The following TULP3 variants were observed in gnomAD, a reference collection of about 807,000 sequenced individuals.
TULP3 encodes TUB like protein 3, also known as tubby-related protein 3.
TULP3 carries 38 observed loss-of-function variants against 50.7 expected under a neutral mutation model. The ratio of observed to expected loss-of-function variants is 0.75; its 90% CI spans 0.58 to 0.98. TULP3 has a LOEUF of 0.98. Among genes scored for constraint, TULP3 ranks in the 50% least tolerant of loss-of-function variants. TULP3 has a pLI of 0.00. For missense variants in TULP3, 550 were observed against 568.0 expected (o/e 0.97, Z 0.32); for synonymous variants, 183 against 196.6 (o/e 0.93, Z 0.58).
At chr12:2,911,809 A>C (rs2153948959) in intron 2 of TULP3, among the ~76,000 whole-genome samples, 1 of 150,330 alleles carries the variant, frequency 6.7e-6, no homozygotes, top group East Asian at 2.0e-4. Context: ...TTTGGATCAG[A>C]TGTATACATT....
At chr12:2,904,214 C>G (rs2098180936) in intron 1 of TULP3, among the ~76,000 whole-genome samples, 1 of 152,278 alleles carries the variant, frequency 6.6e-6, no homozygotes, top group East Asian at 1.9e-4. Flanking sequence ...CTTTCCTAGT[C>G]TAGGTTTTTT....
intron 9 of TULP3, 118 bp from the exon 10 acceptor site, chr12:2,937,996 T>C (rs911029173): frequency 1.7e-6 from 2 of 1,173,832 alleles, no homozygotes; most frequent in African/African-American, 1.5e-5. Flanking sequence ...CATTGTTGGC[T>C]TTCATTCTTC....
At chr12:2,896,988 T>C (rs2098175901) in intron 1 of TULP3, among the ~76,000 whole-genome samples, 1 of 152,202 alleles carries the variant, frequency 6.6e-6, no homozygotes, top group African/African-American at 2.4e-5. Flanking sequence ...ATTTTAACAA[T>C]GTTTCAATAA....
Position 2,930,375 on chromosome 12 carries a change from A to T in TULP3, c.492+30A>T, listed in dbSNP as rs1181068007. The T allele has an allele frequency of 7.0e-6, 10 of 1,427,298 alleles. No homozygotes were observed. In the East Asian group the frequency reaches 2.3e-4, roughly 33 times the overall value. The allele number at this position is 1,427,298 out of a possible 1,614,324, so 88.4% of individuals were successfully genotyped here. On this transcript the variant is annotated intron_variant, in intron 5 of 10. Coordinates refer to ENST00000448120, the MANE Select transcript of TULP3 (RefSeq NM_003324.5). ...GTAGTTCTGAAACTTCTTCCATTAG[A>T]GCTAATTTGACTCTTTCTCAAACAT...
intron 1 of TULP3, among the ~76,000 whole-genome samples, chr12:2,903,930 C>CCCA (rs2098180736): frequency 6.6e-6 from 1 of 151,868 alleles, no homozygotes; most frequent in African/African-American, 2.4e-5. Context: ...ATTACAGGCG[C>CCCA]CCACCACCAC....
intron 1 of TULP3, among the ~76,000 whole-genome samples, chr12:2,898,287 A>G (rs2153947714): frequency 6.6e-6 from 1 of 152,250 alleles, no homozygotes; most frequent in African/African-American, 2.4e-5. Flanking sequence ...GGGGACTTAC[A>G]ATTAGTTTGA....
intron 8 of TULP3, among the ~76,000 whole-genome samples, chr12:2,934,983 T>C (rs1193493744): frequency 6.6e-6 from 1 of 152,146 alleles, no homozygotes; most frequent in Non-Finnish European, 1.5e-5. Flanking sequence ...ATCTTATTAT[T>C]ATTTGTTTTA....
chr12:2,906,796 A>G (rs2098182559), intron 1 of TULP3, among the ~76,000 whole-genome samples: 2 of 151,218 alleles, frequency 1.3e-5, no homozygotes, highest in South Asian at 2.1e-4. Flanking sequence ...CACGCCTGTA[A>G]TCCCAGCTGC....
chr12:2,896,953 A>C (rs1413613651), intron 1 of TULP3, among the ~76,000 whole-genome samples: 2 of 152,240 alleles, frequency 1.3e-5, no homozygotes, highest in Non-Finnish European at 1.5e-5. Context: ...ACTGTACTTA[A>C]GTGCAACTAG....
At position 2,920,653 on chromosome 12, in the gene TULP3, A is replaced by G; in HGVS notation, c.94-110A>G. On this transcript the variant is annotated intron_variant, in intron 2 of 10. Transcript: ENST00000448120. Reference sequence around the variant, plus strand: ...CCCATTTCTTAAATGGGGAAAAAATAATTTACAAGATGTTTTGTGAGGATC... The same window carrying G: ...CCCATTTCTTAAATGGGGAAAAAATGATTTACAAGATGTTTTGTGAGGATC... 3.0e-6 allele frequency: 4 copies of G among 1,347,184 alleles called. No individual in the cohort carries two copies. The South Asian group carries it at 5.7e-5, about 19-fold the overall frequency. 83.5% of individuals were successfully genotyped at this position (1,347,184 alleles called of 1,614,324 possible).
At chr12:2,891,123 G>T in intron 1 of TULP3, 135 bp downstream of exon 1, 2 of 1,020,464 alleles carry the variant, frequency 2.0e-6, no homozygotes, top group Non-Finnish European at 1.3e-6. Flanking sequence ...GACTGGTTTC[G>T]GCGGCGGGAG....
At chr12:2,897,334 A>G (rs560755255) in intron 1 of TULP3, among the ~76,000 whole-genome samples, 1 of 152,160 alleles carries the variant, frequency 6.6e-6, no homozygotes, top group Admixed American at 6.5e-5. Context: ...ATACAGGGGA[A>G]ATTATTAGAA....
rs1176956411 is a variant in TULP3 at position 2,890,931 on chromosome 12, C to T, written c.-17C>T. The T allele has an allele frequency of 1.3e-6, 2 of 1,593,198 alleles. No homozygotes were observed. Among genetic ancestry groups the T allele is most frequent in the Admixed American group, 1.7e-5 (1 of 57,646 alleles). ...GGGAAGAGTGTGTACGTGGTGGGGG[C>T]TTCCTCGGTGGCGGGCATGGAGGCT... is the stretch of plus-strand genomic sequence containing the variant. On this transcript the variant is annotated 5_prime_UTR_variant, in exon 1 of 11. Transcript: ENST00000448120.
rs548030080 is a variant in TULP3 at position 2,935,328 on chromosome 12, A to T, written c.924+767A>T. On this transcript the variant is annotated intron_variant, in intron 8 of 10. Transcript: ENST00000448120. ...ATCAAAGTCTTTTCTGATGTACTCCACTAGATGTGGTTGACATTCCTTCAT... is the reference window on the plus strand; with the variant it reads ...ATCAAAGTCTTTTCTGATGTACTCCTCTAGATGTGGTTGACATTCCTTCAT... Among the ~76,000 whole-genome samples the T allele has an allele frequency of 2.6e-5, 4 of 152,248 alleles. No individual in the cohort carries two copies. The South Asian group carries it at 6.2e-4, about 24-fold the overall frequency.
At position 2,939,234 on chromosome 12, in the gene TULP3, AAAGG is replaced by A; in HGVS notation, c.1196-73_1196-70del. On this transcript the variant is annotated intron_variant, in intron 10 of 10. Coordinates refer to ENST00000448120, the MANE Select transcript of TULP3 (RefSeq NM_003324.5). The surrounding 1 kb of genome is among the most constrained non-coding windows in gnomAD (Gnocchi z 4.0). ...CGACAGAGCAAAACCCCATCTAAGAAAAGGAAGAAAAAGAAAAAGATTTCCCTGA... is the reference window on the plus strand; with the variant it reads ...CGACAGAGCAAAACCCCATCTAAGAAAAGAAAAAGAAAAAGATTTCCCTGA... 1 of 1,519,334 alleles carries A rather than the reference AAAGG, an allele frequency of 6.6e-7. No individual in the cohort carries two copies. Among genetic ancestry groups the A allele is most frequent in the Non-Finnish European group, 9.0e-7 (1 of 1,111,838 alleles). 94.1% of individuals were successfully genotyped at this position (1,519,334 alleles called of 1,614,324 possible). A position where few individuals can be genotyped will look rare whatever the true frequency, so the allele number is the denominator to read the frequency against.
intron 1 of TULP3, among the ~76,000 whole-genome samples, chr12:2,907,183 C>T (rs914425023): frequency 6.6e-6 from 1 of 151,800 alleles, no homozygotes; most frequent in Admixed American, 6.6e-5. Flanking sequence ...ACTAAAAATA[C>T]AAAAATTGGC....
intron 1 of TULP3, among the ~76,000 whole-genome samples, chr12:2,903,214 A>G (rs11062407): frequency 0.48 from 72,599 of 151,882 alleles, 17,827 homozygotes; most frequent in African/African-American, 0.6. Context: ...AAAAATTACC[A>G]AAATGTATAT....
At chr12:2,928,539 T>A (rs7959084) in intron 4 of TULP3, among the ~76,000 whole-genome samples, 25,020 of 150,872 alleles carry the variant, frequency 0.17, 2,357 homozygotes, top group South Asian at 0.26. Context: ...TCAAAAAAAA[T>A]AAATAAATAA....
chr12:2,898,531 C>G lies in TULP3; in HGVS notation c.41+7543C>G, dbSNP rs148536800. Among the ~76,000 whole-genome samples, 201 of 152,214 alleles carry G rather than the reference C, an allele frequency of 1.3e-3. 1 individual carries two copies. The highest frequency in any genetic ancestry group is 4.8e-3 in the African/African-American group (200 of 41,534). On this transcript the variant is annotated intron_variant, in intron 1 of 10. Transcript: ENST00000448120. The stretch of plus-strand genomic sequence containing the variant: ...TTTTGTGGGCCATACAGTCTCTGTC[C>G]CAGTTGCTCATTACTCAGTTTTGCT...
Sources: allele counts gnomAD v4.1 joint callset (sites outside exome capture counted in the v4.1 genomes callset), GRCh38; gene constraint gnomAD v4.1.1; non-coding constraint Gnocchi (gnomAD v3.1); transcripts MANE v1.5; gene names NCBI Gene and HGNC (gene_info 2026-07-23, HGNC 2026-07-21).